ARHGAP6: variants seen among roughly 807,000 people sequenced by gnomAD.
The protein encoded by ARHGAP6 is rho GTPase-activating protein 6.
In ARHGAP6, 16 loss-of-function variants were observed where a neutral mutation model predicts 55.7. The observed-to-expected ratio is 0.29, with a 90% CI of 0.19 to 0.44. The LOEUF is 0.44. ARHGAP6 is among the 20% of genes least tolerant of loss of function. The pLI, the probability that ARHGAP6 is intolerant of heterozygous loss-of-function variation, is 1.00. For missense variants in ARHGAP6, 698 were observed against 808.9 expected (o/e 0.86, Z 1.66); for synonymous variants, 382 against 360.9 (o/e 1.06, Z -0.66).
intron 2 of ARHGAP6, among the ~76,000 whole-genome samples, chrX:11,202,310 A>G (rs759702307): frequency 6.3e-5 from 7 of 110,523 alleles, no homozygotes; most frequent in African/African-American, 2.3e-4. Flanking sequence ...AAGGCTTCAG[A>G]GGTGGCTCAT....
chrX:11,402,228 G>A lies in ARHGAP6; in HGVS notation c.589-147521C>T, dbSNP rs755172317. On this transcript the variant is annotated intron_variant, in intron 1 of 12. Transcript: ENST00000337414. Reference sequence around the variant, plus strand: ...GATTCCCAAGTTCTTGGCCACAAAAGTATGCTGTACGTTTGTCTGTCTCGT... The same window carrying A: ...GATTCCCAAGTTCTTGGCCACAAAAATATGCTGTACGTTTGTCTGTCTCGT... 4.5e-5 allele frequency among the ~76,000 whole-genome samples: 5 copies of A among 111,870 alleles called. No individual in the cohort carries two copies. The South Asian group carries it at 1.9e-3, about 42-fold the overall frequency.
intron 12 of ARHGAP6, among the ~76,000 whole-genome samples, chrX:11,140,648 G>A (rs751013501): frequency 3.0e-4 from 33 of 108,553 alleles, no homozygotes; most frequent in Non-Finnish European, 5.9e-4. Context: ...ACACACTCCC[G>A]CCCCTCCTCA....
At chrX:11,268,299 C>G (rs2047651937) in intron 1 of ARHGAP6, among the ~76,000 whole-genome samples, 2 of 111,954 alleles carry the variant, frequency 1.8e-5, no homozygotes, top group South Asian at 7.5e-4. Flanking sequence ...AATTCCTTAG[C>G]CTGGTATCCA....
At chrX:11,344,849 A>T (rs1032712768) in intron 1 of ARHGAP6, among the ~76,000 whole-genome samples, 3 of 110,994 alleles carry the variant, frequency 2.7e-5, no homozygotes, top group African/African-American at 9.8e-5. Context: ...CTGTACAGAC[A>T]TCCCAGTGCA....
chrX:11,362,364 A>G, intron 1 of ARHGAP6, among the ~76,000 whole-genome samples: 1 of 110,688 alleles, frequency 9.0e-6, no homozygotes, highest in Middle Eastern at 4.6e-3. Context: ...AGGGACATGG[A>G]TGAAATTGGA....
At chrX:11,342,463 A>G (rs1452670065) in intron 1 of ARHGAP6, among the ~76,000 whole-genome samples, 1 of 112,242 alleles carries the variant, frequency 8.9e-6, no homozygotes, top group Admixed American at 9.4e-5. Flanking sequence ...TTTAAATGGG[A>G]CTGAAATATA....
intron 1 of ARHGAP6, among the ~76,000 whole-genome samples, chrX:11,281,246 A>G (rs1043380720): frequency 9.0e-6 from 1 of 111,039 alleles, no homozygotes; most frequent in African/African-American, 3.3e-5. Context: ...AATACAGAAT[A>G]GGGGTTACCT....
chrX:11,182,020 G>T, intron 6 of ARHGAP6, 43 bp downstream of exon 6: 2 of 1,062,138 alleles, frequency 1.9e-6, no homozygotes, highest in Non-Finnish European at 2.6e-6. Flanking sequence ...TAATTCAATT[G>T]AAAGTCATGT....
At position 11,505,371 on chromosome X, in the gene ARHGAP6, T is replaced by A. The variant is rs997396482; in HGVS notation, c.588+158870A>T. Reference sequence around the variant, plus strand: ...AGATACCATCGCACATCAGTCAGAATGGCTACTATTAAAAAGACAAAAAAT... The same window carrying A: ...AGATACCATCGCACATCAGTCAGAAAGGCTACTATTAAAAAGACAAAAAAT... On this transcript the variant is annotated intron_variant, in intron 1 of 12. Coordinates refer to ENST00000337414, the MANE Select transcript of ARHGAP6 (RefSeq NM_013427.3). Among the ~76,000 whole-genome samples, 3 of 111,364 alleles carry A rather than the reference T, an allele frequency of 2.7e-5. No homozygotes were observed. In the East Asian group the frequency reaches 8.4e-4, roughly 31 times the overall value.
At chrX:11,463,278 G>C (rs2050262632) in intron 1 of ARHGAP6, among the ~76,000 whole-genome samples, 1 of 112,070 alleles carries the variant, frequency 8.9e-6, no homozygotes, top group Non-Finnish European at 1.9e-5. Context: ...GGAAAAATGG[G>C]AGAATGCCTA....
chrX:11,325,202 TCTA>T (rs1241117758), intron 1 of ARHGAP6, among the ~76,000 whole-genome samples: 1 of 112,356 alleles, frequency 8.9e-6, no homozygotes, highest in Non-Finnish European at 1.9e-5. Flanking sequence ...AGAAAATGTT[TCTA>T]CTAATTCTGT....
chrX:11,494,187 A>C (rs1489839950), intron 1 of ARHGAP6, among the ~76,000 whole-genome samples: 1 of 112,231 alleles, frequency 8.9e-6, no homozygotes, highest in Non-Finnish European at 1.9e-5. Context: ...CAGCATAGCC[A>C]GATGTCCTCT....
chrX:11,235,029 C>G (rs747945484), intron 2 of ARHGAP6, among the ~76,000 whole-genome samples: 1 of 112,609 alleles, frequency 8.9e-6, no homozygotes, highest in East Asian at 2.8e-4. Context: ...CACAGCTCCT[C>G]TAGACAGTGC....
chrX:11,289,892 GGA>G (rs1427460160), intron 1 of ARHGAP6, among the ~76,000 whole-genome samples: 1 of 111,827 alleles, frequency 8.9e-6, no homozygotes, highest in Non-Finnish European at 1.9e-5. Flanking sequence ...GGCTGAGGCA[GGA>G]GAGTCACTTA....
At chrX:11,490,764 T>C (rs774443789) in intron 1 of ARHGAP6, among the ~76,000 whole-genome samples, 1 of 112,218 alleles carries the variant, frequency 8.9e-6, no homozygotes, top group South Asian at 3.7e-4. Flanking sequence ...GCTTTATACA[T>C]TTTCTTGTCA....
chrX:11,371,268 T>C (rs1410560468), intron 1 of ARHGAP6, among the ~76,000 whole-genome samples: 1 of 112,063 alleles, frequency 8.9e-6, no homozygotes, highest in Non-Finnish European at 1.9e-5. Flanking sequence ...CAGCAAACTA[T>C]AATCCATGGA....
At chrX:11,597,904 C>A (rs1251388809) in intron 1 of ARHGAP6, among the ~76,000 whole-genome samples, 3 of 111,929 alleles carry the variant, frequency 2.7e-5, no homozygotes, top group East Asian at 5.6e-4. Flanking sequence ...AAGAGCAATG[C>A]GGAGCCATCA....
intron 1 of ARHGAP6, among the ~76,000 whole-genome samples, chrX:11,661,071 C>T (rs760727801): frequency 4.5e-5 from 5 of 112,114 alleles, no homozygotes; most frequent in East Asian, 2.8e-4. Flanking sequence ...AAAGTATAGA[C>T]GCCAGTGATA....
intron 1 of ARHGAP6, among the ~76,000 whole-genome samples, chrX:11,313,616 A>T (rs902358090): frequency 3.6e-5 from 4 of 111,449 alleles, no homozygotes; most frequent in Non-Finnish European, 7.5e-5. Flanking sequence ...CACACTGTTG[A>T]TTTTCTTCTT....
Sources: gnomAD v4.1 joint callset for allele counts (sites outside exome capture counted in the v4.1 genomes callset) on GRCh38, gnomAD v4.1.1 for gene constraint, MANE v1.5 for transcripts, NCBI Gene and HGNC (gene_info 2026-07-23, HGNC 2026-07-21) for gene names.